Variants in STXBP5L observed in about 807,000 individuals in gnomAD.
The protein encoded by STXBP5L is syntaxin-binding protein 5-like.
A neutral mutation model predicts 144.5 loss-of-function variants in STXBP5L; 65 were observed. The ratio of observed to expected loss-of-function variants is 0.45; its 90% CI spans 0.37 to 0.55. STXBP5L has a LOEUF of 0.55. Ranked by LOEUF, STXBP5L falls within the 20% of genes least tolerant of loss-of-function variation. The pLI is 0.00. For synonymous variants in STXBP5L, 505 were observed against 469.6 expected, an observed-to-expected ratio of 1.08 and a Z score of -0.97; for missense variants, 1,298 against 1,405.5, an observed-to-expected ratio of 0.92 and a Z score of 1.22.
At chr3:121,054,644 A>G (rs539894244) in intron 5 of STXBP5L, among the ~76,000 whole-genome samples, 2 of 151,322 alleles carry the variant, frequency 1.3e-5, no homozygotes, top group South Asian at 2.1e-4. Flanking sequence ...ATGGTAAATG[A>G]CGAGTTAATG....
chr3:120,979,452 C>T (rs1390617142), intron 3 of STXBP5L, among the ~76,000 whole-genome samples: 1 of 152,172 alleles, frequency 6.6e-6, no homozygotes, highest in Non-Finnish European at 1.5e-5. Context: ...CCGTCTGTCA[C>T]CCCTTTCTTT....
intron 18 of STXBP5L, among the ~76,000 whole-genome samples, chr3:121,263,160 T>C (rs1437429090): frequency 6.6e-6 from 1 of 152,170 alleles, no homozygotes; most frequent in South Asian, 2.1e-4. Context: ...CCTCCACTAG[T>C]GATACCCAGG....
intron 2 of STXBP5L, among the ~76,000 whole-genome samples, chr3:120,914,397 A>T (rs1709000111): frequency 6.6e-6 from 1 of 152,180 alleles, no homozygotes; most frequent in African/African-American, 2.4e-5. Flanking sequence ...GTTAACTAGT[A>T]TAACTTCTGC....
intron 20 of STXBP5L, among the ~76,000 whole-genome samples, chr3:121,322,208 G>T (rs879780053): frequency 1.3e-5 from 2 of 152,164 alleles, no homozygotes; most frequent in African/African-American, 4.8e-5. Flanking sequence ...GCTGGGCGCC[G>T]TGGCTCACGC....
chr3:121,134,260 C>T (rs962437847), intron 7 of STXBP5L, among the ~76,000 whole-genome samples: 14 of 152,080 alleles, frequency 9.2e-5, no homozygotes, highest in African/African-American at 3.4e-4. Context: ...TCAGGTCTTT[C>T]TTCTCTTATA....
chr3:120,921,043 G>T (rs1290514974), intron 2 of STXBP5L, among the ~76,000 whole-genome samples: 1 of 151,708 alleles, frequency 6.6e-6, no homozygotes, highest in African/African-American at 2.4e-5. Flanking sequence ...TAGTTTTGAG[G>T]AACCTCCATA....
chr3:121,391,781 T>A (rs1336990153), intron 22 of STXBP5L, among the ~76,000 whole-genome samples: 2 of 152,116 alleles, frequency 1.3e-5, no homozygotes, highest in African/African-American at 4.8e-5. Flanking sequence ...GGAAGCTTCG[T>A]CCCAGAGGGG....
intron 2 of STXBP5L, chr3:120,924,583 T>C (rs560449191): frequency 6.5e-6 from 1 of 152,708 alleles, no homozygotes; most frequent in South Asian, 2.1e-4. Flanking sequence ...TTTTTCTAAC[T>C]AGTGAGATCC....
chr3:121,418,816 G>A (rs11709797), intron 26 of STXBP5L, among the ~76,000 whole-genome samples: 1 of 151,890 alleles, frequency 6.6e-6, no homozygotes, highest in Non-Finnish European at 1.5e-5. Context: ...GATACATCTG[G>A]GATCCACATC....
chr3:121,398,638 A>G (rs1176033912), intron 22 of STXBP5L, among the ~76,000 whole-genome samples: 2 of 152,078 alleles, frequency 1.3e-5, no homozygotes, highest in South Asian at 2.1e-4. Flanking sequence ...TAGTATGACC[A>G]TGCTTCCCAC....
At chr3:121,064,772 G>A (rs1169431808) in intron 5 of STXBP5L, among the ~76,000 whole-genome samples, 3 of 152,168 alleles carry the variant, frequency 2.0e-5, no homozygotes, top group South Asian at 2.1e-4. Context: ...GGATGCATGG[G>A]CATGTTTAAT....
chr3:121,077,845 C>A (rs1446159597), intron 5 of STXBP5L, among the ~76,000 whole-genome samples: 1 of 152,050 alleles, frequency 6.6e-6, no homozygotes, highest in Non-Finnish European at 1.5e-5. Flanking sequence ...CATTCACAAA[C>A]CCTGAGCTAG....
At chr3:120,953,382 G>A (rs892276766) in intron 2 of STXBP5L, among the ~76,000 whole-genome samples, 1 of 141,358 alleles carries the variant, frequency 7.1e-6, no homozygotes, top group Non-Finnish European at 1.5e-5. Flanking sequence ...AGGCTGGGGC[G>A]TAGTGACATG....
chr3:121,256,603 T>C (rs563417741), intron 16 of STXBP5L, among the ~76,000 whole-genome samples: 4 of 151,974 alleles, frequency 2.6e-5, no homozygotes, highest in Non-Finnish European at 5.9e-5. Context: ...AATATGGAAT[T>C]TTGTTTGGAA....
intron 15 of STXBP5L, among the ~76,000 whole-genome samples, chr3:121,252,080 C>T (rs2050044273): frequency 6.6e-6 from 1 of 152,140 alleles, no homozygotes; most frequent in African/African-American, 2.4e-5. Flanking sequence ...ATGTGGAGGG[C>T]CAGGCGCAGT....
At chr3:121,207,485 A>G (rs998827100) in intron 10 of STXBP5L, among the ~76,000 whole-genome samples, 5 of 152,218 alleles carry the variant, frequency 3.3e-5, no homozygotes, top group African/African-American at 1.2e-4. Context: ...GACAAATGGG[A>G]TCTAATTAAA....
At chr3:121,362,207 CACT>C (rs1266624401) in intron 20 of STXBP5L, among the ~76,000 whole-genome samples, 2 of 152,220 alleles carry the variant, frequency 1.3e-5, no homozygotes, top group Non-Finnish European at 2.9e-5. Flanking sequence ...TTGTGGCCAC[CACT>C]ACTATTATTG....
At chr3:120,972,430 A>G (rs1380921488) in intron 3 of STXBP5L, among the ~76,000 whole-genome samples, 3 of 152,112 alleles carry the variant, frequency 2.0e-5, no homozygotes, top group African/African-American at 7.2e-5. Context: ...ATATTCTGAA[A>G]CTTTACTGAA....
At chr3:121,070,449 G>T (rs1480409591) in intron 5 of STXBP5L, among the ~76,000 whole-genome samples, 2 of 152,116 alleles carry the variant, frequency 1.3e-5, no homozygotes, top group East Asian at 3.9e-4. Context: ...TGTAAGGGGG[G>T]TGTCACACTT....
Sources: allele counts gnomAD v4.1 joint callset (sites outside exome capture counted in the v4.1 genomes callset), GRCh38; gene constraint gnomAD v4.1.1; transcripts MANE v1.5; gene names NCBI Gene and HGNC (gene_info 2026-07-23, HGNC 2026-07-21).